Variants in SMG1 observed in about 807,000 individuals in gnomAD.
SMG1 encodes SMG1 nonsense mediated mRNA decay associated PI3K related kinase.
SMG1 carries 22 observed loss-of-function variants against 419.9 expected under a neutral mutation model. The ratio of observed to expected loss-of-function variants is 0.05; its 90% CI spans 0.04 to 0.07. SMG1 has a LOEUF of 0.07. SMG1 is among the 10% of genes least tolerant of loss of function. The probability of loss-of-function intolerance (pLI) is 1.00; values close to 1 mark genes in which losing one functional copy is unlikely to be tolerated. For missense variants in SMG1, 3,185 were observed against 4,342.0 expected (o/e 0.73, Z 7.49); for synonymous variants, 1,538 against 1,553.5 (o/e 0.99, Z 0.23).
At chr16:18,855,505 T>C (rs937536422) in intron 29 of SMG1, among the ~76,000 whole-genome samples, 1 of 152,202 alleles carries the variant, frequency 6.6e-6, no homozygotes, top group African/African-American at 2.4e-5. Context: ...CTACACTCTA[T>C]TTATTTCAAG....
At chr16:18,810,239 C>T (rs558691821) in intron 62 of SMG1, among the ~76,000 whole-genome samples, 1 of 152,274 alleles carries the variant, frequency 6.6e-6, no homozygotes, top group South Asian at 2.1e-4. Flanking sequence ...CACAAACTGA[C>T]ATGTGTCTCT....
At chr16:18,842,165 G>C (rs749336150) in intron 40 of SMG1, 43 bp downstream of exon 40, 14 of 1,563,040 alleles carry the variant, frequency 9.0e-6, no homozygotes, top group Non-Finnish European at 1.1e-5. Flanking sequence ...GCATTAGTAA[G>C]ACTAATACTC....
chr16:18,921,010 T>C (rs1373742208), intron 1 of SMG1, among the ~76,000 whole-genome samples: 4 of 151,936 alleles, frequency 2.6e-5, no homozygotes, highest in African/African-American at 9.7e-5. Context: ...TAGTGGCATG[T>C]ACCTGTATTC....
chr16:18,892,013 G>A (rs2036904740), intron 4 of SMG1, among the ~76,000 whole-genome samples: 1 of 152,300 alleles, frequency 6.6e-6, no homozygotes, highest in South Asian at 2.1e-4. Context: ...ACTGCAGTGA[G>A]CTATGATTGT....
chr16:18,870,909 G>A, intron 16 of SMG1, 21 bp from the exon 17 acceptor site: 1 of 1,191,280 alleles, frequency 8.4e-7, no homozygotes. Context: ...TTAAAAGACA[G>A]TTACTTTCAG....
chr16:18,874,793 G>A (rs963522163), intron 13 of SMG1, among the ~76,000 whole-genome samples: 4 of 131,720 alleles, frequency 3.0e-5, no homozygotes, highest in African/African-American at 1.1e-4. Context: ...TGGAACCCGG[G>A]AGGCAGAGGT....
At chr16:18,848,591 T>G (rs1345340572) in intron 36 of SMG1, among the ~76,000 whole-genome samples, 1 of 151,618 alleles carries the variant, frequency 6.6e-6, no homozygotes, top group African/African-American at 2.4e-5. Context: ...CAGGTGCGAG[T>G]CACTGCTCCT....
chr16:18,888,260 A>G (rs1313093986), intron 6 of SMG1, among the ~76,000 whole-genome samples: 2 of 151,162 alleles, frequency 1.3e-5, no homozygotes, highest in Non-Finnish European at 2.9e-5. Context: ...ATTTACACAT[A>G]ATTATCTTAT....
chr16:18,865,758 G>A (rs572995288), intron 23 of SMG1, among the ~76,000 whole-genome samples: 20 of 151,784 alleles, frequency 1.3e-4, no homozygotes, highest in Non-Finnish European at 2.6e-4. Context: ...CGCCTCCCAG[G>A]TTCAACCAAT....
intron 1 of SMG1, among the ~76,000 whole-genome samples, chr16:18,904,948 T>C (rs1243593561): frequency 6.8e-6 from 1 of 147,742 alleles, no homozygotes; most frequent in Non-Finnish European, 1.5e-5. Flanking sequence ...ACAATAATAA[T>C]AATAAAATAA....
chr16:18,819,675 T>A, intron 55 of SMG1, 21 bp from the exon 56 acceptor site: 4 of 1,525,016 alleles, frequency 2.6e-6, no homozygotes, highest in Middle Eastern at 1.7e-4. Flanking sequence ...CAGCAGAATC[T>A]TGGTGAAGGT....
At chr16:18,839,593 TG>T in intron 42 of SMG1, 104 bp downstream of exon 42, 1 of 1,446,780 alleles carries the variant, frequency 6.9e-7, no homozygotes, top group Non-Finnish European at 9.5e-7. Context: ...CTACCAAGTC[TG>T]GAGGGACAGA....
chr16:18,851,246 A>C (rs1477937948), intron 33 of SMG1, among the ~76,000 whole-genome samples: 6 of 152,232 alleles, frequency 3.9e-5, no homozygotes, highest in Admixed American at 1.3e-4. Context: ...AATAAAATCC[A>C]TGCCTTTGAG....
chr16:18,829,296 G>T lies in SMG1; in HGVS notation c.9593C>A (p.Ala3198Asp), dbSNP rs1415822169. 1 of 1,610,726 alleles carries T rather than the reference G, an allele frequency of 6.2e-7. No homozygotes were observed. Among genetic ancestry groups the T allele is most frequent in the Middle Eastern group, 1.7e-4 (1 of 6,050 alleles). ...TSLQRVQLHIAMFQWQHEDLL... is the reference protein window; with the variant it reads ...TSLQRVQLHIDMFQWQHEDLL... ...AACAAAAACACTTACCTGAAACATG[G>T]CAATATGCAGCTGAACCCGCTGCAG... Residue 3198 changes from alanine (A) to aspartate (D), a missense_variant, in exon 54 of 63, where the codon GCC becomes GAC. Ala to Asp is a moderately radical substitution (Grantham distance 126, BLOSUM62 -2). Transcript: ENST00000446231.
chr16:18,876,309 A>C lies in SMG1; in HGVS notation c.1705T>G (p.Leu569Val), dbSNP rs771780853. Residue 569 changes from leucine to valine, a missense_variant, in exon 13 of 63, where the codon TTG becomes GTG. Leu to Val is a conservative substitution (Grantham distance 32). Transcript: ENST00000446231. ...TTTAGGGCACAAGTCATTTCTCCCA[A>C]TATTAACTTATAGGCAGTCTCCAAA... Reference protein sequence around the residue: ...PVLETAYKLILGEMTCALNNL... With the variant: ...PVLETAYKLIVGEMTCALNNL... The C allele has an allele frequency of 1.9e-6, 3 of 1,611,668 alleles. No homozygotes were observed. The highest frequency in any genetic ancestry group is 2.5e-6 in the Non-Finnish European group (3 of 1,179,702).
chr16:18,849,069 CAAAAAAAAAAAAAAAAAAAAAAAAAA>C (rs58373081), intron 36 of SMG1, 122 bp downstream of exon 36: 3 of 114,060 alleles, frequency 2.6e-5, no homozygotes, highest in Non-Finnish European at 2.8e-5. Context: ...GACTCCATCT[CAAAAAAAAAAAAAAAAAAAAAAAAAA>C]AAAAAAAAAA....
chr16:18,908,998 T>C (rs112783317), intron 1 of SMG1, among the ~76,000 whole-genome samples: 74 of 152,208 alleles, frequency 4.9e-4, no homozygotes, highest in African/African-American at 1.7e-3. Context: ...TCCCAGGGAA[T>C]GACATGTTTA....
At chr16:18,838,767 A>T in intron 42 of SMG1, 78 bp from the exon 43 acceptor site, 1 of 933,054 alleles carries the variant, frequency 1.1e-6, no homozygotes, top group Non-Finnish European at 1.6e-6. Context: ...ATACTATAAA[A>T]TTTACAAAGC....
At chr16:18,883,357 C>A (rs1244503303) in intron 9 of SMG1, among the ~76,000 whole-genome samples, 2 of 152,192 alleles carry the variant, frequency 1.3e-5, no homozygotes, top group Non-Finnish European at 2.9e-5. Flanking sequence ...GGCTTGTCCT[C>A]CAAAGTACGA....
Sources: gnomAD v4.1 joint callset for allele counts (sites outside exome capture counted in the v4.1 genomes callset) on GRCh38, gnomAD v4.1.1 for gene constraint, MANE v1.5 for transcripts, NCBI Gene and HGNC (gene_info 2026-07-23, HGNC 2026-07-21) for gene names.